The following KCNAB1 variants were observed in gnomAD, a reference collection of about 807,000 sequenced individuals.
KCNAB1 encodes potassium voltage-gated channel subfamily A regulatory beta subunit 1.
KCNAB1 carries 35 observed loss-of-function variants against 64.6 expected under a neutral mutation model. The ratio of observed to expected loss-of-function variants is 0.54; its 90% confidence interval spans 0.41 to 0.72. The LOEUF (loss-of-function observed/expected upper bound fraction) is 0.72. Among genes scored for constraint, KCNAB1 ranks in the 30% least tolerant of loss-of-function variants. The pLI is 0.00. For synonymous variants in KCNAB1, 177 were observed against 183.8 expected, an observed-to-expected ratio of 0.96 and a Z score of 0.30; for missense variants, 401 against 512.9, an observed-to-expected ratio of 0.78 and a Z score of 2.11.
chr3:156,321,791 T>G (rs914263108), intron 1 of KCNAB1, among the ~76,000 whole-genome samples: 1 of 152,222 alleles, frequency 6.6e-6, no homozygotes, highest in African/African-American at 2.4e-5. Context: ...TAGTTAAAAC[T>G]GTGTTTTAAA....
At chr3:156,220,870 A>G (rs1201536122) in intron 1 of KCNAB1, among the ~76,000 whole-genome samples, 2 of 152,172 alleles carry the variant, frequency 1.3e-5, no homozygotes, top group Admixed American at 1.3e-4. Context: ...TAAGTCTTTA[A>G]TCTGTCTTGA....
At chr3:156,231,216 T>G (rs1013082013) in intron 1 of KCNAB1, among the ~76,000 whole-genome samples, 1 of 152,200 alleles carries the variant, frequency 6.6e-6, no homozygotes, top group Non-Finnish European at 1.5e-5. Flanking sequence ...TAATGAGGAC[T>G]AAGCTCTGAT....
At chr3:156,153,784 C>T (rs768775032) in intron 1 of KCNAB1, among the ~76,000 whole-genome samples, 3 of 152,220 alleles carry the variant, frequency 2.0e-5, no homozygotes, top group African/African-American at 7.2e-5. Flanking sequence ...TGGGTCCAAA[C>T]TTACACCATT....
intron 1 of KCNAB1, among the ~76,000 whole-genome samples, chr3:156,334,037 T>A (rs1448963821): frequency 6.6e-6 from 1 of 152,130 alleles, no homozygotes; most frequent in Non-Finnish European, 1.5e-5. Context: ...ATGTATTCGG[T>A]TTTTGGGTTC....
intron 1 of KCNAB1, among the ~76,000 whole-genome samples, chr3:156,191,448 T>C (rs1713554675): frequency 1.3e-5 from 2 of 152,244 alleles, no homozygotes; most frequent in African/African-American, 4.8e-5. Context: ...TATGGACTTT[T>C]AAAATGCTCT....
chr3:156,479,417 GT>G (rs940878821), intron 8 of KCNAB1, among the ~76,000 whole-genome samples: 1 of 152,128 alleles, frequency 6.6e-6, no homozygotes. Flanking sequence ...AGTTTTTTGG[GT>G]TTTTTTGTTT....
chr3:156,431,215 CT>C (rs531124307), intron 2 of KCNAB1, among the ~76,000 whole-genome samples: 2 of 152,292 alleles, frequency 1.3e-5, no homozygotes, highest in African/African-American at 4.8e-5. Context: ...AAGCAGCAGC[CT>C]GACTAAGGCA....
At chr3:156,447,775 A>T (rs1364781286) in intron 2 of KCNAB1, among the ~76,000 whole-genome samples, 1 of 152,208 alleles carries the variant, frequency 6.6e-6, no homozygotes, top group Non-Finnish European at 1.5e-5. Flanking sequence ...GAAGAGAAAA[A>T]AAGACAATGA....
At chr3:156,447,189 A>G (rs1048165638) in intron 2 of KCNAB1, among the ~76,000 whole-genome samples, 1 of 152,206 alleles carries the variant, frequency 6.6e-6, no homozygotes, top group African/African-American at 2.4e-5. Context: ...ACTGATTCCT[A>G]GACATTTCAT....
At chr3:156,400,946 C>T (rs1448884185) in intron 1 of KCNAB1, among the ~76,000 whole-genome samples, 1 of 152,212 alleles carries the variant, frequency 6.6e-6, no homozygotes, top group Admixed American at 6.5e-5. Flanking sequence ...TGCCTCTATA[C>T]CCTTAGAACC....
At chr3:156,492,869 T>C (rs1715735417) in intron 8 of KCNAB1, among the ~76,000 whole-genome samples, 1 of 152,140 alleles carries the variant, frequency 6.6e-6, no homozygotes, top group Non-Finnish European at 1.5e-5. Flanking sequence ...CAGAGCTTAA[T>C]ACCAGAGTGC....
chr3:156,247,664 G>A (rs984269454), intron 1 of KCNAB1, among the ~76,000 whole-genome samples: 4 of 152,224 alleles, frequency 2.6e-5, no homozygotes, highest in African/African-American at 7.2e-5. Flanking sequence ...CTGGGTTCAG[G>A]TGATCCTCCC....
chr3:156,334,780 T>C (rs961504185), intron 1 of KCNAB1, among the ~76,000 whole-genome samples: 2 of 152,180 alleles, frequency 1.3e-5, no homozygotes, highest in Non-Finnish European at 2.9e-5. Flanking sequence ...CTTAGTCCTT[T>C]CACCCACTCT....
At chr3:156,291,375 C>A in intron 1 of KCNAB1, 1 of 994,534 alleles carries the variant, frequency 1.0e-6, no homozygotes, top group Non-Finnish European at 1.2e-6. Context: ...TTGCGATTAG[C>A]TGCTTCTTGG....
At chr3:156,246,338 G>A (rs1334417437) in intron 1 of KCNAB1, among the ~76,000 whole-genome samples, 1 of 152,194 alleles carries the variant, frequency 6.6e-6, no homozygotes, top group East Asian at 1.9e-4. Flanking sequence ...AGGCGCGGTG[G>A]CTCACGCCTG....
chr3:156,200,968 A>T (rs1323187387), intron 1 of KCNAB1, among the ~76,000 whole-genome samples: 1 of 152,152 alleles, frequency 6.6e-6, no homozygotes, highest in East Asian at 1.9e-4. Context: ...CACACGAGGG[A>T]ATGTCCTTGG....
At chr3:156,163,955 C>T (rs1289034982) in intron 1 of KCNAB1, among the ~76,000 whole-genome samples, 1 of 152,158 alleles carries the variant, frequency 6.6e-6, no homozygotes. Flanking sequence ...ATCCTGTCTT[C>T]CAACTGAGGA....
chr3:156,120,508 A>C, upstream of KCNAB1: 5 of 1,296,296 alleles, frequency 3.9e-6, no homozygotes, highest in Non-Finnish European at 5.4e-6. Flanking sequence ...TAAGGTTAAG[A>C]GAGGTGGAGT....
intron 1 of KCNAB1, chr3:156,143,502 G>A (rs1196066804): frequency 1.1e-6 from 1 of 910,294 alleles, no homozygotes; most frequent in Non-Finnish European, 1.5e-6. Context: ...GACTGAAATA[G>A]CAAGACAAAA....
Sources: gnomAD v4.1 joint callset for allele counts (sites outside exome capture counted in the v4.1 genomes callset) on GRCh38, gnomAD v4.1.1 for gene constraint, MANE v1.5 for transcripts, NCBI Gene and HGNC (gene_info 2026-07-23, HGNC 2026-07-21) for gene names.